KATNBL1: variants seen among roughly 807,000 people sequenced by gnomAD.
KATNBL1 encodes the protein katanin regulatory subunit B1 like 1, also known as KATNB1-like protein 1.
KATNBL1 carries 28 observed loss-of-function variants against 44.7 expected under a neutral mutation model. The ratio of observed to expected loss-of-function variants is 0.63; its 90% confidence interval spans 0.46 to 0.86. The LOEUF (loss-of-function observed/expected upper bound fraction) is 0.86, where lower values mean the gene tolerates loss of function less well. Ranked by LOEUF, KATNBL1 falls within the 40% of genes least tolerant of loss-of-function variation. KATNBL1 has a pLI of 0.00. For missense variants in KATNBL1, 272 were observed against 350.7 expected, an observed-to-expected ratio of 0.78 and a Z score of 1.79; for synonymous variants, 78 against 114.9, an observed-to-expected ratio of 0.68 and a Z score of 2.06.
intron 1 of KATNBL1, among the ~76,000 whole-genome samples, chr15:34,172,294 T>C (rs1368328291): frequency 7.8e-6 from 1 of 128,916 alleles, no homozygotes; most frequent in Non-Finnish European, 1.6e-5. Flanking sequence ...TCTCACTCTA[T>C]TGCCCAGGCT....
intron 1 of KATNBL1, among the ~76,000 whole-genome samples, chr15:34,196,902 TAC>T (rs1890043511): frequency 6.6e-6 from 1 of 152,260 alleles, no homozygotes; most frequent in South Asian, 2.1e-4. Context: ...TTATTTGATA[TAC>T]AGTTTTTCAG....
intron 1 of KATNBL1, among the ~76,000 whole-genome samples, chr15:34,167,496 G>A (rs1889016393): frequency 6.6e-6 from 1 of 152,156 alleles, no homozygotes. Context: ...GTGACGGGGA[G>A]AATGCAACCA....
intron 1 of KATNBL1, among the ~76,000 whole-genome samples, chr15:34,187,430 G>A (rs1296804403): frequency 6.6e-6 from 1 of 152,042 alleles, no homozygotes; most frequent in Non-Finnish European, 1.5e-5. Context: ...ACAAGAACTT[G>A]GGCAAAGGCA....
At chr15:34,169,983 T>C (rs907624318) in intron 1 of KATNBL1, among the ~76,000 whole-genome samples, 8 of 152,158 alleles carry the variant, frequency 5.3e-5, no homozygotes, top group Admixed American at 3.3e-4. Context: ...GCCAATCTCA[T>C]ACTGAATGGG....
At chr15:34,168,620 A>C (rs1889058403) in intron 1 of KATNBL1, among the ~76,000 whole-genome samples, 1 of 152,174 alleles carries the variant, frequency 6.6e-6, no homozygotes, top group African/African-American at 2.4e-5. Flanking sequence ...CTTCACCCCA[A>C]ATCAACAGAA....
chr15:34,200,605 G>A (rs1228123589), intron 1 of KATNBL1, among the ~76,000 whole-genome samples: 1 of 152,032 alleles, frequency 6.6e-6, no homozygotes. Context: ...GCTGATTTGA[G>A]AAATAACGTC....
chr15:34,147,494 T>C (rs1488822842), intron 5 of KATNBL1, 64 bp from the exon 6 acceptor site: 2 of 1,294,354 alleles, frequency 1.5e-6, no homozygotes, highest in East Asian at 2.3e-5. Context: ...TTTCATATTA[T>C]GATTATTCAC....
chr15:34,160,049 T>C (rs1888750537), intron 2 of KATNBL1, among the ~76,000 whole-genome samples: 2 of 152,244 alleles, frequency 1.3e-5, no homozygotes, highest in Non-Finnish European at 2.9e-5. Flanking sequence ...AAAAAAGATA[T>C]AGCCCCTGAC....
intron 1 of KATNBL1, among the ~76,000 whole-genome samples, chr15:34,166,393 C>T (rs1393017489): frequency 3.9e-5 from 6 of 152,340 alleles, no homozygotes; most frequent in South Asian, 2.1e-4. Context: ...GAGGGGCGTC[C>T]GCCACTGCTG....
chr15:34,144,193 T>G (rs1259607316), intron 9 of KATNBL1, among the ~76,000 whole-genome samples: 1 of 151,864 alleles, frequency 6.6e-6, no homozygotes, highest in Non-Finnish European at 1.5e-5. Flanking sequence ...CACTCCCATT[T>G]GCTTTTCTTC....
chr15:34,162,998 T>G (rs1002100764), intron 2 of KATNBL1, among the ~76,000 whole-genome samples: 2 of 151,502 alleles, frequency 1.3e-5, no homozygotes. Flanking sequence ...CCTCTTTAAC[T>G]AAAATATTTA....
rs942726414 is a variant in KATNBL1, at chr15:34,205,699, C to T, written c.-15+4252G>A. 9.8e-5 allele frequency among the ~76,000 whole-genome samples: 15 copies of T among 152,304 alleles called. No individual in the cohort carries two copies. In the South Asian group the frequency reaches 1.5e-3, roughly 15 times the overall value. The stretch of plus-strand genomic sequence containing the variant: ...ATACTCAGAGCATCTGCGCAGTACT[C>T]CAACAAATTTTATCTTTCCCCAGCA... On this transcript the variant is annotated intron_variant, in intron 1 of 9. Coordinates refer to ENST00000256544, the MANE Select transcript of KATNBL1 (RefSeq NM_024713.3).
At chr15:34,189,155 G>A (rs12910664) in intron 1 of KATNBL1, among the ~76,000 whole-genome samples, 5,157 of 152,062 alleles carry the variant, frequency 0.034, 99 homozygotes, top group Non-Finnish European at 0.045. Flanking sequence ...CTCTGCCTCC[G>A]GTGGGATTAC....
intron 1 of KATNBL1, among the ~76,000 whole-genome samples, chr15:34,175,246 ATTTT>A (rs1238397044): frequency 6.6e-6 from 1 of 151,604 alleles, no homozygotes; most frequent in Non-Finnish European, 1.5e-5. Flanking sequence ...TGGATCTTTT[ATTTT>A]TTCAGATTTT....
rs1888168338 is a variant in KATNBL1 at position 34,142,183 on chromosome 15, T to C, written c.*156A>G. The C allele has an allele frequency of 3.2e-6, 2 of 630,568 alleles. No individual in the cohort carries two copies. The allele number at this position is 630,568 out of a possible 1,614,324, so 39.1% of individuals were successfully genotyped here. The stretch of plus-strand genomic sequence containing the variant: ...TTCAATGTGAAGCAGATTGCTGGGA[T>C]TTCATTAGTGGTTTCATTACGTGGC... On this transcript the variant is annotated 3_prime_UTR_variant, in exon 10 of 10. Coordinates refer to ENST00000256544, the MANE Select transcript of KATNBL1 (RefSeq NM_024713.3).
At chr15:34,181,989 T>A (rs953735529) in intron 1 of KATNBL1, among the ~76,000 whole-genome samples, 2 of 150,524 alleles carry the variant, frequency 1.3e-5, no homozygotes, top group Non-Finnish European at 3.0e-5. Flanking sequence ...AAATTTACCA[T>A]ATGCCAGGTG....
intron 1 of KATNBL1, among the ~76,000 whole-genome samples, chr15:34,186,948 A>T (rs1186862310): frequency 7.9e-5 from 12 of 152,236 alleles, no homozygotes; most frequent in Non-Finnish European, 1.5e-5. Context: ...CCCACCCATG[A>T]CAGCCCATGG....
chr15:34,161,303 G>A (rs562057219), intron 2 of KATNBL1, among the ~76,000 whole-genome samples: 8 of 152,254 alleles, frequency 5.3e-5, no homozygotes, highest in South Asian at 2.1e-4. Flanking sequence ...CTGAGAGTCC[G>A]GGTTTATTCA....
chr15:34,201,795 G>T (rs750071244), intron 1 of KATNBL1, among the ~76,000 whole-genome samples: 1 of 152,088 alleles, frequency 6.6e-6, no homozygotes, highest in South Asian at 2.1e-4. Flanking sequence ...GTATCCGTGG[G>T]TTCAGCATCT....
Sources: allele counts gnomAD v4.1 joint callset (sites outside exome capture counted in the v4.1 genomes callset), GRCh38; gene constraint gnomAD v4.1.1; transcripts MANE v1.5; gene names NCBI Gene and HGNC (gene_info 2026-07-23, HGNC 2026-07-21).